The following LCLAT1 variants were observed in gnomAD, a reference collection of about 807,000 sequenced individuals.
LCLAT1 encodes lysocardiolipin acyltransferase 1, also known as 1-AGP acyltransferase 8.
LCLAT1 carries 11 observed loss-of-function variants against 30.7 expected under a neutral mutation model. That is an observed-to-expected ratio of 0.36 (90% CI 0.23 to 0.59). The LOEUF (loss-of-function observed/expected upper bound fraction) is 0.59. LCLAT1 is among the 20% of genes least tolerant of loss of function. LCLAT1 has a pLI of 0.77. For synonymous variants in LCLAT1, 155 were observed against 151.3 expected (o/e 1.02, Z -0.18); for missense variants, 402 against 458.6 (o/e 0.88, Z 1.13).
intron 1 of LCLAT1, among the ~76,000 whole-genome samples, chr2:30,494,135 A>T (rs1288296714): frequency 6.6e-6 from 1 of 152,180 alleles, no homozygotes; most frequent in Non-Finnish European, 1.5e-5. Flanking sequence ...AGGCAGGAGG[A>T]TCACTTGACT....
At chr2:30,553,137 A>C (rs773704115) in intron 3 of LCLAT1, among the ~76,000 whole-genome samples, 1 of 152,128 alleles carries the variant, frequency 6.6e-6, no homozygotes, top group Non-Finnish European at 1.5e-5. Context: ...TCAGTTAACT[A>C]TATTCATCTA....
At chr2:30,529,213 T>G (rs1685875196) in intron 2 of LCLAT1, among the ~76,000 whole-genome samples, 1 of 152,248 alleles carries the variant, frequency 6.6e-6, no homozygotes, top group South Asian at 2.1e-4. Flanking sequence ...ATCTTCTCTT[T>G]CATTAAGTTT....
Position 30,641,959 on chromosome 2 carries a change from T to C in LCLAT1, c.*1340T>C, listed in dbSNP as rs891914607. On this transcript the variant is annotated 3_prime_UTR_variant, in exon 6 of 6. Coordinates refer to ENST00000379509, the MANE Select transcript of LCLAT1 (RefSeq NM_001002257.3). ...ATGCTGGTCAGAGCTGCAGAAAATA[T>C]GAGGCAATTAAAAGTCTTTAGCTGT... The C allele has an allele frequency of 6.6e-6, 1 of 151,192 alleles. No individual in the cohort carries two copies. Among genetic ancestry groups the C allele is most frequent in the Non-Finnish European group, 1.5e-5 (1 of 67,944 alleles). The allele number at this position is 151,192 out of a possible 1,614,324, so 9.4% of individuals were successfully genotyped here.
intron 1 of LCLAT1, among the ~76,000 whole-genome samples, chr2:30,497,607 G>T (rs367765834): frequency 6.6e-6 from 1 of 151,992 alleles, no homozygotes; most frequent in Non-Finnish European, 1.5e-5. Context: ...TAATGCTTTT[G>T]CTTAAGTTTA....
At chr2:30,520,854 A>C (rs1029879598) in intron 1 of LCLAT1, among the ~76,000 whole-genome samples, 1 of 152,214 alleles carries the variant, frequency 6.6e-6, no homozygotes, top group Non-Finnish European at 1.5e-5. Context: ...TATACTTTCT[A>C]TGGATTTTCA....
Position 30,578,567 on chromosome 2 carries a change from T to G in LCLAT1, c.628+10391T>G, listed in dbSNP as rs1666085013. ...ATGAGCTAACTTAAAGTAGAAGAAGTGTTAGTCAGTGCCTTTTCTAGGCAC... is the reference window on the plus strand; with the variant it reads ...ATGAGCTAACTTAAAGTAGAAGAAGGGTTAGTCAGTGCCTTTTCTAGGCAC... On this transcript the variant is annotated intron_variant, in intron 5 of 5. Transcript: ENST00000379509. 2.0e-5 allele frequency among the ~76,000 whole-genome samples: 3 copies of G among 152,236 alleles called. No homozygotes were observed. In the South Asian group the frequency reaches 6.2e-4, roughly 32 times the overall value.
intron 5 of LCLAT1, among the ~76,000 whole-genome samples, chr2:30,594,800 G>C (rs777970760): frequency 6.6e-6 from 1 of 152,162 alleles, no homozygotes; most frequent in Non-Finnish European, 1.5e-5. Flanking sequence ...CAACCAAGCA[G>C]ATTTTATTGG....
chr2:30,601,896 G>GATAT (rs756949963), intron 5 of LCLAT1, among the ~76,000 whole-genome samples: 1 of 114,612 alleles, frequency 8.7e-6, no homozygotes, highest in African/African-American at 2.9e-5. Context: ...TATATCTATA[G>GATAT]ATATATATAT....
intron 5 of LCLAT1, among the ~76,000 whole-genome samples, chr2:30,627,187 G>A (rs1193918164): frequency 2.0e-5 from 3 of 152,088 alleles, no homozygotes; most frequent in Non-Finnish European, 4.4e-5. Context: ...GTGTCTGGTG[G>A]GCAGGCACAC....
At chr2:30,532,438 A>T (rs1686026596) in intron 2 of LCLAT1, among the ~76,000 whole-genome samples, 1 of 152,132 alleles carries the variant, frequency 6.6e-6, no homozygotes, top group Non-Finnish European at 1.5e-5. Context: ...ATCAGCTTTT[A>T]TTGTAATCTG....
intron 1 of LCLAT1, among the ~76,000 whole-genome samples, chr2:30,502,124 G>C (rs758514198): frequency 6.6e-6 from 1 of 152,204 alleles, no homozygotes; most frequent in Non-Finnish European, 1.5e-5. Context: ...TGCAGGGACA[G>C]CCATTGGTAA....
chr2:30,627,762 T>G (rs1668583126), intron 5 of LCLAT1, among the ~76,000 whole-genome samples: 1 of 152,186 alleles, frequency 6.6e-6, no homozygotes, highest in African/African-American at 2.4e-5. Context: ...AAAAAAACAT[T>G]CTACTCTTAG....
At chr2:30,622,670 A>T (rs914499364) in intron 5 of LCLAT1, among the ~76,000 whole-genome samples, 7 of 152,208 alleles carry the variant, frequency 4.6e-5, no homozygotes, top group Admixed American at 2.0e-4. Context: ...GAAGCCTGGT[A>T]GCTCCGCTGG....
At chr2:30,463,644 G>T (rs775000180) in intron 1 of LCLAT1, among the ~76,000 whole-genome samples, 8 of 152,064 alleles carry the variant, frequency 5.3e-5, no homozygotes, top group Non-Finnish European at 1.0e-4. Context: ...CATTTACATT[G>T]TATTAGATAC....
At chr2:30,593,535 CT>C (rs1223247110) in intron 5 of LCLAT1, among the ~76,000 whole-genome samples, 1 of 152,056 alleles carries the variant, frequency 6.6e-6, no homozygotes, top group Non-Finnish European at 1.5e-5. Flanking sequence ...TATGCAGGGT[CT>C]TTTGTGATTC....
At chr2:30,561,598 T>A (rs1334774124) in intron 3 of LCLAT1, among the ~76,000 whole-genome samples, 1 of 152,204 alleles carries the variant, frequency 6.6e-6, no homozygotes, top group East Asian at 1.9e-4. Flanking sequence ...CTCTGATTAA[T>A]GTGTTTAGTA....
chr2:30,551,684 T>C (rs1664688827), intron 3 of LCLAT1, among the ~76,000 whole-genome samples: 1 of 152,204 alleles, frequency 6.6e-6, no homozygotes, highest in Admixed American at 6.5e-5. Flanking sequence ...CGGGATCTGT[T>C]TCCTAGCCTT....
intron 1 of LCLAT1, among the ~76,000 whole-genome samples, chr2:30,492,207 A>G (rs1647227672): frequency 6.6e-6 from 1 of 152,206 alleles, no homozygotes; most frequent in African/African-American, 2.4e-5. Context: ...TGAGATAAAT[A>G]TCAGTTTAAC....
rs1375705924 is a variant in LCLAT1, at chr2:30,562,236, G to A, written c.455G>A (p.Cys152Tyr). ...TTCGAAGACATGATTGATTACTTTT[G>A]TGATATTCACGAACCACTTCAACTC... ...SHFEDMIDYF[C>Y]DIHEPLQLLI... Residue 152 changes from cysteine to tyrosine, a missense_variant, in exon 4 of 6, where the codon TGT becomes TAT. Transcript: ENST00000379509. 3.1e-6 allele frequency: 5 copies of A among 1,612,816 alleles called. No individual in the cohort carries two copies. Among genetic ancestry groups the A allele is most frequent in the Non-Finnish European group, 4.2e-6 (5 of 1,179,160 alleles).
Sources: allele counts gnomAD v4.1 joint callset (sites outside exome capture counted in the v4.1 genomes callset), GRCh38; gene constraint gnomAD v4.1.1; transcripts MANE v1.5; gene names NCBI Gene and HGNC (gene_info 2026-07-23, HGNC 2026-07-21).